STAM2: variants seen among roughly 807,000 people sequenced by gnomAD.
STAM2 encodes signal transducing adapter molecule 2.
Under a neutral mutation model 65.6 loss-of-function variants are expected in STAM2, and 51 were observed. The ratio of observed to expected loss-of-function variants is 0.78; its 90% CI spans 0.62 to 0.98. The LOEUF (loss-of-function observed/expected upper bound fraction) is 0.98, where lower values mean the gene tolerates loss of function less well. Ranked by LOEUF, STAM2 falls within the 50% of genes least tolerant of loss-of-function variation. The pLI, the probability that STAM2 is intolerant of heterozygous loss-of-function variation, is 0.00. For synonymous variants in STAM2, 198 were observed against 208.4 expected, an observed-to-expected ratio of 0.95 and a Z score of 0.43; for missense variants, 584 against 617.8, an observed-to-expected ratio of 0.95 and a Z score of 0.58.
chr2:152,122,150 G>A (rs756132246), intron 13 of STAM2, among the ~76,000 whole-genome samples: 1 of 151,734 alleles, frequency 6.6e-6, no homozygotes, highest in Non-Finnish European at 1.5e-5. Flanking sequence ...TTAGGGCTGA[G>A]CTTGGAGGCT....
chr2:152,173,356 A>G (rs1446728291), intron 1 of STAM2, among the ~76,000 whole-genome samples: 1 of 148,742 alleles, frequency 6.7e-6, no homozygotes, highest in Non-Finnish European at 1.5e-5. Context: ...GTGGGCGTAT[A>G]TACACACATA....
In STAM2 at chr2:152,132,096, C is replaced by T. The variant is rs112150633; in HGVS notation, c.1025+18G>A. 3 of 1,599,320 alleles carry T rather than the reference C, an allele frequency of 1.9e-6. No individual in the cohort carries two copies. The highest frequency in any genetic ancestry group is 2.2e-5 in the East Asian group (1 of 44,644). On this transcript the variant is annotated intron_variant, in intron 11 of 13. Transcript: ENST00000263904. Reference sequence around the variant, plus strand: ...CCCCCCAAAACTATACTTTTTATTCCTGCACGAAAAATCTCACCTATCAAT... The same window carrying T: ...CCCCCCAAAACTATACTTTTTATTCTTGCACGAAAAATCTCACCTATCAAT...
At chr2:152,136,784 C>T (rs62176474) in intron 7 of STAM2, among the ~76,000 whole-genome samples, 35,510 of 151,936 alleles carry the variant, frequency 0.23, 4,233 homozygotes, top group Admixed American at 0.31. Flanking sequence ...TTCACCATTA[C>T]AAAGATAAGG....
At position 152,117,289 on chromosome 2, in the gene STAM2, C is replaced by T. The variant is rs1560206541; in HGVS notation, c.*3285G>A. 6.6e-6 allele frequency: 1 copy of T among 152,052 alleles called. No individual in the cohort carries two copies. Among genetic ancestry groups the T allele is most frequent in the Non-Finnish European group, 1.5e-5 (1 of 68,030 alleles). 9.4% of individuals were successfully genotyped at this position (152,052 alleles called of 1,614,324 possible). A position where few individuals can be genotyped will look rare whatever the true frequency, so the allele number is the denominator to read the frequency against. On this transcript the variant is annotated 3_prime_UTR_variant, in exon 14 of 14. Coordinates refer to ENST00000263904, the MANE Select transcript of STAM2 (RefSeq NM_005843.6). ...CAATACTCCCACCTCAGCCTACTGA[C>T]TAGCTGGGACTACAGGTGCACTACC...
At chr2:152,151,075 A>C (rs1382264904) in intron 1 of STAM2, among the ~76,000 whole-genome samples, 1 of 152,216 alleles carries the variant, frequency 6.6e-6, no homozygotes, top group Non-Finnish European at 1.5e-5. Context: ...ATACAAAATT[A>C]AATGAACAAA....
chr2:152,134,403 T>TA (rs1689115987), intron 8 of STAM2, among the ~76,000 whole-genome samples: 1 of 152,190 alleles, frequency 6.6e-6, no homozygotes, highest in South Asian at 2.1e-4. Context: ...CCTATCTACT[T>TA]AGAGAGTCAG....
intron 7 of STAM2, among the ~76,000 whole-genome samples, chr2:152,139,281 A>C (rs1689205166): frequency 6.6e-6 from 1 of 152,248 alleles, no homozygotes; most frequent in Non-Finnish European, 1.5e-5. Flanking sequence ...AAGTGTAAAG[A>C]ACATAAACCT....
intron 5 of STAM2, among the ~76,000 whole-genome samples, chr2:152,146,171 G>A (rs1345953798): frequency 2.0e-5 from 3 of 151,098 alleles, no homozygotes; most frequent in Admixed American, 6.6e-5. Context: ...CTCTAAAGGC[G>A]GAGGCAGGAG....
intron 1 of STAM2, among the ~76,000 whole-genome samples, chr2:152,171,799 C>T (rs1689903132): frequency 6.6e-6 from 1 of 152,074 alleles, no homozygotes; most frequent in South Asian, 2.1e-4. Flanking sequence ...AAAGGAAATA[C>T]CAAGGTTGAA....
At chr2:152,155,087 T>C (rs1689516812) in intron 1 of STAM2, among the ~76,000 whole-genome samples, 1 of 152,198 alleles carries the variant, frequency 6.6e-6, no homozygotes. Context: ...TTCACCACAT[T>C]CCACCCCCAG....
chr2:152,120,513 G>T lies in STAM2; in HGVS notation c.*61C>A. 2 of 1,403,972 alleles carry T rather than the reference G, an allele frequency of 1.4e-6. No individual in the cohort carries two copies. The highest frequency in any genetic ancestry group is 2.0e-6 in the Non-Finnish European group (2 of 1,002,358). 87.0% of individuals were successfully genotyped at this position (1,403,972 alleles called of 1,614,324 possible). A position where few individuals can be genotyped will look rare whatever the true frequency, so the allele number is the denominator to read the frequency against. On this transcript the variant is annotated 3_prime_UTR_variant, in exon 14 of 14. Transcript: ENST00000263904. ...AAAAAAGTTTTAATATTTTCAGGTTGGTATCACAAGGACTGAATAATACAC... is the reference window on the plus strand; with the variant it reads ...AAAAAAGTTTTAATATTTTCAGGTTTGTATCACAAGGACTGAATAATACAC...
intron 11 of STAM2, among the ~76,000 whole-genome samples, chr2:152,130,822 C>T (rs1484180416): frequency 6.6e-6 from 1 of 150,802 alleles, no homozygotes; most frequent in Non-Finnish European, 1.5e-5. Context: ...TATGGTGAAA[C>T]CACATTTCTA....
At chr2:152,152,320 T>C (rs1409544920) in intron 1 of STAM2, among the ~76,000 whole-genome samples, 3 of 151,882 alleles carry the variant, frequency 2.0e-5, no homozygotes, top group Non-Finnish European at 2.9e-5. Flanking sequence ...GAGGCCGAGG[T>C]GGGCAGATCA....
chr2:152,157,196 T>C (rs1689571093), intron 1 of STAM2, among the ~76,000 whole-genome samples: 1 of 152,184 alleles, frequency 6.6e-6, no homozygotes, highest in African/African-American at 2.4e-5. Flanking sequence ...CCAGAGGCCC[T>C]TGGCCAAAGG....
At chr2:152,143,607 C>G (rs1448047044) in intron 7 of STAM2, among the ~76,000 whole-genome samples, 1 of 152,150 alleles carries the variant, frequency 6.6e-6, no homozygotes, top group Non-Finnish European at 1.5e-5. Flanking sequence ...TTTAATACAT[C>G]TTTCATCCAA....
chr2:152,158,751 C>G (rs548367744), intron 1 of STAM2, among the ~76,000 whole-genome samples: 1 of 152,234 alleles, frequency 6.6e-6, no homozygotes, highest in South Asian at 2.1e-4. Context: ...GATCAAAGCA[C>G]TGGCATCTGG....
At chr2:152,136,788 G>A (rs919168617) in intron 7 of STAM2, among the ~76,000 whole-genome samples, 4 of 151,864 alleles carry the variant, frequency 2.6e-5, no homozygotes, top group Non-Finnish European at 2.9e-5. Context: ...CCATTACAAA[G>A]ATAAGGTAAT....
intron 1 of STAM2, among the ~76,000 whole-genome samples, chr2:152,152,152 G>A (rs1689458562): frequency 6.6e-6 from 1 of 152,150 alleles, no homozygotes; most frequent in Non-Finnish European, 1.5e-5. Flanking sequence ...TGTTGCCCAG[G>A]TTCGTCTCAA....
chr2:152,126,402 T>C, intron 11 of STAM2, 23 bp from the exon 12 acceptor site: 2 of 1,419,660 alleles, frequency 1.4e-6, no homozygotes, highest in Non-Finnish European at 1.9e-6. Flanking sequence ...AAAAGTATTA[T>C]AATACTCTTC....
Sources: allele counts gnomAD v4.1 joint callset (sites outside exome capture counted in the v4.1 genomes callset), GRCh38; gene constraint gnomAD v4.1.1; transcripts MANE v1.5; gene names NCBI Gene and HGNC (gene_info 2026-07-23, HGNC 2026-07-21).